Variants in UBASH3B observed in about 807,000 individuals in gnomAD.
The protein encoded by UBASH3B is ubiquitin associated and SH3 domain containing B, also known as ubiquitin-associated and SH3 domain-containing protein B.
Under a neutral mutation model 83.4 loss-of-function variants are expected in UBASH3B, and 37 were observed. That is an observed-to-expected ratio of 0.44 (90% CI 0.34 to 0.58). The LOEUF (loss-of-function observed/expected upper bound fraction) is 0.58. Ranked by LOEUF, UBASH3B falls within the 20% of genes least tolerant of loss-of-function variation. The probability of loss-of-function intolerance (pLI) is 0.01; values close to 1 mark genes in which losing one functional copy is unlikely to be tolerated. For synonymous variants in UBASH3B, 304 were observed against 318.3 expected, an observed-to-expected ratio of 0.96 and a Z score of 0.48; for missense variants, 657 against 827.2, an observed-to-expected ratio of 0.79 and a Z score of 2.52.
chr11:122,732,625 A>G (rs1459223175), intron 1 of UBASH3B, among the ~76,000 whole-genome samples: 1 of 152,108 alleles, frequency 6.6e-6, no homozygotes, highest in Non-Finnish European at 1.5e-5. Flanking sequence ...TTGTAGCCCC[A>G]CGTATTTCCT....
chr11:122,702,980 A>G (rs1456038744), intron 1 of UBASH3B, among the ~76,000 whole-genome samples: 1 of 152,302 alleles, frequency 6.6e-6, no homozygotes, highest in Non-Finnish European at 1.5e-5. Context: ...CACTCATTCT[A>G]TAAACAAATT....
chr11:122,725,716 C>T (rs755859357), intron 1 of UBASH3B, among the ~76,000 whole-genome samples: 1 of 152,006 alleles, frequency 6.6e-6, no homozygotes, highest in Non-Finnish European at 1.5e-5. Context: ...TTTTTTGAGA[C>T]AGAGTCTCAC....
At chr11:122,676,848 GC>G (rs550444105) in intron 1 of UBASH3B, among the ~76,000 whole-genome samples, 133 of 152,044 alleles carry the variant, frequency 8.7e-4, no homozygotes, top group African/African-American at 2.9e-3. Context: ...TTTGCCTCCC[GC>G]CCCCAGGCTC....
rs58950220 is a variant in UBASH3B at position 122,771,748 on chromosome 11, AACACACACACACAC to A, written c.162-4442_162-4429del. 2.2e-3 allele frequency among the ~76,000 whole-genome samples: 322 copies of A among 147,240 alleles called. 2 individuals are homozygous for A. Among genetic ancestry groups the A allele is most frequent in the African/African-American group, 7.0e-3 (277 of 39,856 alleles). On this transcript the variant is annotated intron_variant, in intron 1 of 13. Coordinates refer to ENST00000284273, the MANE Select transcript of UBASH3B (RefSeq NM_032873.5). The stretch of plus-strand genomic sequence containing the variant: ...CCTGGCAACTTAAGAGCTGTGTTAA[AACACACACACACAC>A]ACACACACACACACACACACACACA...
intron 1 of UBASH3B, among the ~76,000 whole-genome samples, chr11:122,675,952 A>C (rs1863662632): frequency 6.6e-6 from 1 of 152,254 alleles, no homozygotes; most frequent in Non-Finnish European, 1.5e-5. Flanking sequence ...GGAAAGTAGT[A>C]AGCAGTACTT....
chr11:122,666,131 C>T (rs945032631), intron 1 of UBASH3B, among the ~76,000 whole-genome samples: 4 of 152,254 alleles, frequency 2.6e-5, no homozygotes, highest in African/African-American at 9.6e-5. Context: ...GAGGCAGCTG[C>T]ATGCTCCCGA....
Position 122,778,666 on chromosome 11 carries a change from G to A in UBASH3B, c.403-831G>A, listed in dbSNP as rs191430544. Among the ~76,000 whole-genome samples the A allele has an allele frequency of 1.9e-3, 285 of 149,854 alleles. 1 individual carries two copies. The highest frequency in any genetic ancestry group is 6.8e-3 in the African/African-American group (277 of 40,546). On this transcript the variant is annotated intron_variant, in intron 3 of 13. Coordinates refer to ENST00000284273, the MANE Select transcript of UBASH3B (RefSeq NM_032873.5). Reference sequence around the variant, plus strand: ...GTCACTCAGGCTGGAGTGCAGTGGCGTGATCTTGGCTCACTGCAACCTCTG... The same window carrying A: ...GTCACTCAGGCTGGAGTGCAGTGGCATGATCTTGGCTCACTGCAACCTCTG...
intron 1 of UBASH3B, among the ~76,000 whole-genome samples, chr11:122,714,237 A>G (rs1358691602): frequency 6.6e-6 from 1 of 152,214 alleles, no homozygotes; most frequent in Non-Finnish European, 1.5e-5. Context: ...GTGCTTAGAT[A>G]CTGGACAGCC....
chr11:122,764,951 G>T (rs1285191696), intron 1 of UBASH3B, among the ~76,000 whole-genome samples: 1 of 151,898 alleles, frequency 6.6e-6, no homozygotes, highest in Non-Finnish European at 1.5e-5. Flanking sequence ...AAAGAAAAAA[G>T]GTAGAATCCA....
chr11:122,741,355 A>G (rs928580468), intron 1 of UBASH3B, among the ~76,000 whole-genome samples: 3 of 152,218 alleles, frequency 2.0e-5, no homozygotes, highest in African/African-American at 7.2e-5. Flanking sequence ...ACAAACCCAA[A>G]CCCACAAAGA....
At chr11:122,659,714 A>G (rs1863410829) in intron 1 of UBASH3B, among the ~76,000 whole-genome samples, 2 of 152,206 alleles carry the variant, frequency 1.3e-5, no homozygotes, top group Admixed American at 1.3e-4. Context: ...GAAGACTTGG[A>G]TGTGATGCTT....
chr11:122,685,440 C>A (rs1186869291), intron 1 of UBASH3B, among the ~76,000 whole-genome samples: 1 of 152,152 alleles, frequency 6.6e-6, no homozygotes, highest in Non-Finnish European at 1.5e-5. Context: ...TGTGAGTACT[C>A]CAATTTATAG....
chr11:122,662,520 C>T (rs909536161), intron 1 of UBASH3B, among the ~76,000 whole-genome samples: 1 of 151,886 alleles, frequency 6.6e-6, no homozygotes, highest in Non-Finnish European at 1.5e-5. Flanking sequence ...CAACCTCCGC[C>T]TCCCAGGTTC....
intron 1 of UBASH3B, among the ~76,000 whole-genome samples, chr11:122,729,975 TAAAAAAAAAAAAAA>T (rs34778631): frequency 1.4e-4 from 4 of 27,964 alleles, no homozygotes; most frequent in South Asian, 6.1e-3. Flanking sequence ...AGACCCTATC[TAAAAAAAAAAAAAA>T]AAAAAAAAAA....
intron 1 of UBASH3B, among the ~76,000 whole-genome samples, chr11:122,711,829 G>A (rs965640677): frequency 3.3e-5 from 5 of 152,178 alleles, no homozygotes; most frequent in Non-Finnish European, 2.9e-5. Flanking sequence ...ATACTGTGAG[G>A]AAGAGTGAGT....
chr11:122,731,545 T>G (rs1860844197), intron 1 of UBASH3B, among the ~76,000 whole-genome samples: 1 of 72,306 alleles, frequency 1.4e-5, no homozygotes, highest in South Asian at 5.5e-4. Flanking sequence ...GATAACTAAG[T>G]GACTAACAGG....
intron 1 of UBASH3B, among the ~76,000 whole-genome samples, chr11:122,697,888 C>A (rs1256140397): frequency 6.6e-6 from 1 of 152,064 alleles, no homozygotes; most frequent in African/African-American, 2.4e-5. Flanking sequence ...TATTTATATA[C>A]CTCCTCATTT....
In UBASH3B at chr11:122,708,701, G is replaced by A. The variant is rs1864155658; in HGVS notation, c.161+52491G>A. Among the ~76,000 whole-genome samples the A allele has an allele frequency of 2.0e-5, 3 of 152,160 alleles. No homozygotes were observed. In the South Asian group the frequency reaches 6.2e-4, roughly 32 times the overall value. The stretch of plus-strand genomic sequence containing the variant: ...GCATCCCTCAAAAAGATCCACGCAG[G>A]TTTTGGAGTCAGGCATCTCTAAGTA... On this transcript the variant is annotated intron_variant, in intron 1 of 13. Transcript: ENST00000284273.
chr11:122,753,493 CT>C (rs1290491026), intron 1 of UBASH3B, among the ~76,000 whole-genome samples: 3 of 117,234 alleles, frequency 2.6e-5, no homozygotes, highest in Non-Finnish European at 5.0e-5. Context: ...TATCTTTTTT[CT>C]TTCTTTTTTT....
Sources: gnomAD v4.1 joint callset for allele counts (sites outside exome capture counted in the v4.1 genomes callset) on GRCh38, gnomAD v4.1.1 for gene constraint, MANE v1.5 for transcripts, NCBI Gene and HGNC (gene_info 2026-07-23, HGNC 2026-07-21) for gene names.